NXPE2: variants seen among roughly 807,000 people sequenced by gnomAD.
NXPE2 encodes the protein NXPE family member 2.
In NXPE2, 34 loss-of-function variants were observed where a neutral mutation model predicts 34.4. That is an observed-to-expected ratio of 0.99 (90% CI 0.75 to 1.31). The LOEUF (loss-of-function observed/expected upper bound fraction) is 1.31. Ranked by LOEUF, NXPE2 falls within the 40% of genes most tolerant of loss-of-function variation. NXPE2 has a pLI of 0.00. For synonymous variants in NXPE2, 235 were observed against 231.3 expected, an observed-to-expected ratio of 1.02 and a Z score of -0.15; for missense variants, 649 against 672.5, an observed-to-expected ratio of 0.97 and a Z score of 0.39.
chr11:114,476,532 G>T, the NXPE2 span, among the ~76,000 whole-genome samples: 2 of 152,178 alleles, frequency 1.3e-5, no homozygotes, highest in South Asian at 2.1e-4. Flanking sequence ...AAGGAAAGAG[G>T]TTTGTTTAAT....
the NXPE2 span, among the ~76,000 whole-genome samples, chr11:114,541,219 C>T: frequency 3.3e-5 from 5 of 152,070 alleles, no homozygotes; most frequent in African/African-American, 1.2e-4. Context: ...ATAACAGTCA[C>T]AATTCAAAAT....
the NXPE2 span, among the ~76,000 whole-genome samples, chr11:114,802,602 G>A: frequency 6.6e-6 from 1 of 152,256 alleles, no homozygotes; most frequent in Non-Finnish European, 1.5e-5. Flanking sequence ...GAATCATTGA[G>A]CTAGACAGTC....
At chr11:114,514,405 T>C in the NXPE2 span, among the ~76,000 whole-genome samples, 1 of 152,192 alleles carries the variant, frequency 6.6e-6, no homozygotes, top group Non-Finnish European at 1.5e-5. Flanking sequence ...CTTTCTTTCT[T>C]TTTTGAGACA....
the NXPE2 span, among the ~76,000 whole-genome samples, chr11:114,636,363 T>C: frequency 6.6e-6 from 1 of 152,086 alleles, no homozygotes; most frequent in Non-Finnish European, 1.5e-5. Context: ...TTTTTTTCTT[T>C]ATTAGTCTGC....
the NXPE2 span, among the ~76,000 whole-genome samples, chr11:114,491,122 A>T: frequency 3.1e-5 from 4 of 129,504 alleles, no homozygotes; most frequent in African/African-American, 9.5e-5. Flanking sequence ...AGATTGCGCC[A>T]CTGCAGTCCG....
the NXPE2 span, among the ~76,000 whole-genome samples, chr11:114,600,099 T>G: frequency 5.9e-5 from 9 of 152,184 alleles, no homozygotes. Context: ...CAATATGTGC[T>G]AATGAATACT....
At chr11:114,680,993 CT>C (rs1950941156) in intron 2 of NXPE2, among the ~76,000 whole-genome samples, 1 of 152,134 alleles carries the variant, frequency 6.6e-6, no homozygotes, top group African/African-American at 2.4e-5. Context: ...AAATTCTCTA[CT>C]TTTATCTCTC....
At chr11:114,762,370 C>T in the NXPE2 span, among the ~76,000 whole-genome samples, 7 of 152,136 alleles carry the variant, frequency 4.6e-5, no homozygotes, top group African/African-American at 1.7e-4. Context: ...CATCCGTGCA[C>T]ATATCCGAGA....
chr11:114,510,236 G>A, the NXPE2 span, among the ~76,000 whole-genome samples: 5 of 152,078 alleles, frequency 3.3e-5, no homozygotes, highest in South Asian at 2.1e-4. Context: ...TCCATTTTAT[G>A]TATTTATTTG....
At chr11:114,609,526 G>C in the NXPE2 span, among the ~76,000 whole-genome samples, 3 of 151,778 alleles carry the variant, frequency 2.0e-5, no homozygotes, top group African/African-American at 7.3e-5. Flanking sequence ...TGCTTCGTGG[G>C]TAACCACTGT....
the NXPE2 span, among the ~76,000 whole-genome samples, chr11:114,798,244 A>G: frequency 6.6e-6 from 1 of 152,172 alleles, no homozygotes; most frequent in Non-Finnish European, 1.5e-5. Context: ...AAACCCCAAA[A>G]TTTCTGTCAC....
the NXPE2 span, among the ~76,000 whole-genome samples, chr11:114,570,401 T>C: frequency 0.37 from 55,884 of 151,928 alleles, 10,517 homozygotes; most frequent in East Asian, 0.66. Context: ...TGAAAAATAC[T>C]ATAGAATCAG....
the NXPE2 span, among the ~76,000 whole-genome samples, chr11:114,534,856 T>G: frequency 6.6e-6 from 1 of 152,338 alleles, no homozygotes; most frequent in Admixed American, 6.5e-5. Context: ...GAAAACACTC[T>G]GCAGGATATT....
chr11:114,658,081 C>T, the NXPE2 span, among the ~76,000 whole-genome samples: 1 of 152,146 alleles, frequency 6.6e-6, no homozygotes, highest in Non-Finnish European at 1.5e-5. Flanking sequence ...GAGGACTTAG[C>T]TGCAAGAGGC....
intron 2 of NXPE2, among the ~76,000 whole-genome samples, chr11:114,683,871 G>A (rs1950993561): frequency 6.6e-6 from 1 of 152,132 alleles, no homozygotes; most frequent in African/African-American, 2.4e-5. Flanking sequence ...CAATGAATTT[G>A]GCCTATAATT....
chr11:114,701,245 C>T (rs1250572425), intron 3 of NXPE2, among the ~76,000 whole-genome samples: 1 of 152,112 alleles, frequency 6.6e-6, no homozygotes, highest in Admixed American at 6.6e-5. Context: ...AGATTCTATA[C>T]TCTATATGTT....
At chr11:114,777,411 G>C in the NXPE2 span, among the ~76,000 whole-genome samples, 1 of 152,222 alleles carries the variant, frequency 6.6e-6, no homozygotes, top group African/African-American at 2.4e-5. Context: ...TAGAAGCCTG[G>C]TTGGGAGCAA....
the NXPE2 span, chr11:114,582,605 C>T: frequency 2.5e-6 from 4 of 1,614,128 alleles, no homozygotes; most frequent in Non-Finnish European, 3.4e-6. Flanking sequence ...CCTGGCCCTC[C>T]CAGAACAGAG....
chr11:114,622,620 C>T, the NXPE2 span, among the ~76,000 whole-genome samples: 1 of 151,456 alleles, frequency 6.6e-6, no homozygotes, highest in Non-Finnish European at 1.5e-5. Context: ...AACACTGTTA[C>T]CCAGTGGATA....
Sources: gnomAD v4.1 joint callset for allele counts (sites outside exome capture counted in the v4.1 genomes callset) on GRCh38, gnomAD v4.1.1 for gene constraint, MANE v1.5 for transcripts, NCBI Gene and HGNC (gene_info 2026-07-23, HGNC 2026-07-21) for gene names.